OTUD7B: variants seen among roughly 807,000 people sequenced by gnomAD.
OTUD7B encodes OTU deubiquitinase 7B.
In OTUD7B, 34 loss-of-function variants were observed where a neutral mutation model predicts 82.2. That is an observed-to-expected ratio of 0.41 (90% CI 0.31 to 0.55). The LOEUF (loss-of-function observed/expected upper bound fraction) is 0.55, where lower values mean the gene tolerates loss of function less well. Among genes scored for constraint, OTUD7B ranks in the 20% least tolerant of loss-of-function variants. The pLI is 0.20. For synonymous variants in OTUD7B, 398 were observed against 402.7 expected, an observed-to-expected ratio of 0.99 and a Z score of 0.14; for missense variants, 944 against 1,062.1, an observed-to-expected ratio of 0.89 and a Z score of 1.55.
the OTUD7B span, among the ~76,000 whole-genome samples, chr1:150,043,125 C>T: frequency 6.6e-6 from 1 of 152,074 alleles, no homozygotes; most frequent in East Asian, 1.9e-4. Flanking sequence ...TACTGAGCCC[C>T]ATCTCAGATC....
the OTUD7B span, among the ~76,000 whole-genome samples, chr1:150,032,175 T>G: frequency 0.15 from 23,440 of 151,314 alleles, 1,978 homozygotes; most frequent in African/African-American, 0.19. Context: ...AGCTGGGCAT[T>G]GTAGCACACA....
chr1:150,021,068 T>G, the OTUD7B span, among the ~76,000 whole-genome samples: 3 of 152,208 alleles, frequency 2.0e-5, no homozygotes, highest in Non-Finnish European at 2.9e-5. Context: ...GTTTTAAATT[T>G]TTTCTGTTAT....
At position 149,965,871 on chromosome 1, in the gene OTUD7B, C is replaced by G. The variant is rs1335342173; in HGVS notation, c.510G>C (p.Leu170Phe). The change falls in exon 5 of 12, where the codon TTG becomes TTC. Residue 170 changes from leucine (L) to phenylalanine (F), a missense_variant. By Grantham distance (22) the Leu-to-Phe change is conservative (BLOSUM62 0). Around this residue, in one of 3 missense-constraint regions of OTUD7B, gnomAD observed 530 missense variants for 625.6 expected, o/e 0.85. Transcript: ENST00000581312. Reference sequence around the variant, plus strand: ...TGGGATCCACACTCACCCACCAGTTCAAACGCCCTGTAGAAACAAGATAGT... The same window carrying G: ...TGGGATCCACACTCACCCACCAGTTGAAACGCCCTGTAGAAACAAGATAGT... ...MLVALEQAGR[L>F]NWWVSVDPTS... The G allele has an allele frequency of 1.2e-6, 2 of 1,613,500 alleles. No homozygotes were observed. Among genetic ancestry groups the G allele is most frequent in the Non-Finnish European group, 8.5e-7 (1 of 1,179,452 alleles).
At chr1:149,991,669 A>G (rs2011255053) in intron 1 of OTUD7B, among the ~76,000 whole-genome samples, 1 of 152,156 alleles carries the variant, frequency 6.6e-6, no homozygotes, top group African/African-American at 2.4e-5. Context: ...GACTTGTCCA[A>G]ATTCAAAGAG....
the OTUD7B span, among the ~76,000 whole-genome samples, chr1:150,063,529 C>T: frequency 4.6e-5 from 7 of 152,158 alleles, no homozygotes; most frequent in Non-Finnish European, 8.8e-5. Flanking sequence ...CAAAATGCTA[C>T]AAATGGTGAA....
chr1:149,999,235 A>G (rs587654006), intron 1 of OTUD7B, among the ~76,000 whole-genome samples: 1 of 152,366 alleles, frequency 6.6e-6, no homozygotes, highest in African/African-American at 2.4e-5. Flanking sequence ...GTGAGAAAGA[A>G]GGAACTTAAA....
chr1:150,021,447 C>T, the OTUD7B span, among the ~76,000 whole-genome samples: 4 of 152,158 alleles, frequency 2.6e-5, no homozygotes, highest in African/African-American at 9.7e-5. Flanking sequence ...AAAACGAGAT[C>T]TTGTCATCTT....
Position 149,956,951 on chromosome 1 carries a change from GT to G in OTUD7B, c.845+2732del, listed in dbSNP as rs587643105. ...GCCATTCGTCTAATCTTTTTTCAAG[GT>G]TTTTAGCTTCTTTGCGATGGGTTCG... On this transcript the variant is annotated intron_variant, in intron 7 of 11. Coordinates refer to ENST00000581312, the MANE Select transcript of OTUD7B (RefSeq NM_020205.4). Among the ~76,000 whole-genome samples, 105 of 152,170 alleles carry G rather than the reference GT, an allele frequency of 6.9e-4. 2 individuals are homozygous for G. Among genetic ancestry groups the G allele is most frequent in the African/African-American group, 2.5e-3 (104 of 41,526 alleles).
At chr1:150,030,578 G>T in the OTUD7B span, among the ~76,000 whole-genome samples, 1 of 152,086 alleles carries the variant, frequency 6.6e-6, no homozygotes, top group African/African-American at 2.4e-5. Flanking sequence ...TAAAGCAAAA[G>T]TCAGCTTCAT....
the OTUD7B span, among the ~76,000 whole-genome samples, chr1:150,018,237 A>G: frequency 2.0e-5 from 3 of 152,214 alleles, no homozygotes; most frequent in African/African-American, 4.8e-5. Flanking sequence ...AGAAGCACCC[A>G]AGGGAAAAAT....
At chr1:149,951,582 A>G (rs1648257980) in intron 7 of OTUD7B, among the ~76,000 whole-genome samples, 1 of 152,006 alleles carries the variant, frequency 6.6e-6, no homozygotes, top group Admixed American at 6.6e-5. Flanking sequence ...TCATTCACAT[A>G]CTCAATATTC....
chr1:149,971,018 T>C, intron 3 of OTUD7B, 45 bp downstream of exon 3: 1 of 1,438,686 alleles, frequency 7.0e-7, no homozygotes, highest in Non-Finnish European at 9.4e-7. Context: ...AACAATCCCC[T>C]CCCTTCCTAC....
chr1:150,017,441 A>G, the OTUD7B span, among the ~76,000 whole-genome samples: 1 of 152,232 alleles, frequency 6.6e-6, no homozygotes, highest in Non-Finnish European at 1.5e-5. Context: ...CCTAGCAACA[A>G]GTAGGTAGAG....
chr1:149,957,405 T>C (rs1648767909), intron 7 of OTUD7B, among the ~76,000 whole-genome samples: 1 of 151,420 alleles, frequency 6.6e-6, no homozygotes, highest in African/African-American at 2.5e-5. Context: ...AAGCTTCATC[T>C]CAGAGGGGCA....
chr1:149,955,075 C>T (rs6587729), intron 7 of OTUD7B, among the ~76,000 whole-genome samples: 21,861 of 151,988 alleles, frequency 0.14, 2,053 homozygotes, highest in East Asian at 0.33. Context: ...TTATTTCTTG[C>T]CTTCTGCTAG....
Position 149,944,230 on chromosome 1 carries a change from C to T in OTUD7B, c.2159G>A (p.Cys720Tyr), listed in dbSNP as rs202017253. ...EPRRQLAGGP[C>Y]VGGLPPYATF... ...GGCATATGGTGGTAGGCCCCCGACA[C>T]ATGGACCCCCTGCCAACTGCCTCCG... The change falls in exon 12 of 12, where the codon TGT becomes TAT. Residue 720 changes from cysteine to tyrosine, a missense_variant. Physicochemically the swap from Cys to Tyr is radical, Grantham distance 194 (BLOSUM62 -2). Transcript: ENST00000581312. The T allele has an allele frequency of 6.2e-7, 1 of 1,612,794 alleles. No homozygotes were observed. The highest frequency in any genetic ancestry group is 8.5e-7 in the Non-Finnish European group (1 of 1,179,182).
At chr1:150,017,495 C>T in the OTUD7B span, among the ~76,000 whole-genome samples, 1 of 152,184 alleles carries the variant, frequency 6.6e-6, no homozygotes, top group Non-Finnish European at 1.5e-5. Flanking sequence ...CAAGTGCTAC[C>T]TTACCTAATT....
At chr1:149,959,317 C>T (rs1648965867) in intron 7 of OTUD7B, among the ~76,000 whole-genome samples, 1 of 152,136 alleles carries the variant, frequency 6.6e-6, no homozygotes. Flanking sequence ...CCTCCTGCCT[C>T]AGCCTTTCAA....
the OTUD7B span, among the ~76,000 whole-genome samples, chr1:150,066,105 G>C: frequency 1.3e-5 from 2 of 152,216 alleles, no homozygotes; most frequent in East Asian, 3.9e-4. The surrounding 1 kb of genome is among the most constrained non-coding windows in gnomAD (Gnocchi z 4.6). Context: ...AAAAAGCACA[G>C]AAAATGGGGA....
Sources: gnomAD v4.1 joint callset for allele counts (sites outside exome capture counted in the v4.1 genomes callset) on GRCh38, gnomAD v4.1.1 for gene constraint, gnomAD v4.1.1 regional missense constraint, Gnocchi (gnomAD v3.1) non-coding constraint, MANE v1.5 for transcripts, NCBI Gene and HGNC (gene_info 2026-07-23, HGNC 2026-07-21) for gene names.